PAH: variants seen among roughly 807,000 people sequenced by gnomAD.
The protein encoded by PAH is phenylalanine-4-hydroxylase.
PAH carries 64 observed loss-of-function variants against 62.0 expected under a neutral mutation model. The observed-to-expected ratio is 1.03, with a 90% CI of 0.84 to 1.27. PAH has a LOEUF of 1.27. PAH is among the 50% of genes most tolerant of loss of function. The pLI, the probability that PAH is intolerant of heterozygous loss-of-function variation, is 0.00. For synonymous variants in PAH, 195 were observed against 196.2 expected (o/e 0.99, Z 0.05); for missense variants, 579 against 542.8 (o/e 1.07, Z -0.66).
intron 1 of PAH, among the ~76,000 whole-genome samples, chr12:102,932,354 A>G (rs1052229714): frequency 1.4e-4 from 21 of 152,198 alleles, no homozygotes; most frequent in African/African-American, 4.3e-4. Context: ...ATCAACTACA[A>G]TGAACATTTA....
chr12:102,884,794 A>G (rs1876962351), intron 3 of PAH, among the ~76,000 whole-genome samples: 1 of 152,164 alleles, frequency 6.6e-6, no homozygotes, highest in South Asian at 2.1e-4. Flanking sequence ...AAAAGGTAGG[A>G]CTACCCTTTT....
At chr12:102,929,023 C>T (rs1878767733) in intron 1 of PAH, among the ~76,000 whole-genome samples, 1 of 152,120 alleles carries the variant, frequency 6.6e-6, no homozygotes, top group Non-Finnish European at 1.5e-5. Flanking sequence ...AATGAGTTTT[C>T]AGGATATCTG....
intron 1 of PAH, among the ~76,000 whole-genome samples, chr12:102,948,297 G>A (rs979381215): frequency 1.3e-5 from 2 of 152,146 alleles, no homozygotes; most frequent in Admixed American, 1.3e-4. Context: ...GAGAGGTAGG[G>A]CAGAAGTGAG....
intron 6 of PAH, chr12:102,854,701 A>G (rs114193610): frequency 1.2e-3 from 311 of 265,396 alleles, no homozygotes; most frequent in African/African-American, 6.7e-3. Flanking sequence ...CAGGATTCAT[A>G]CCAGATGCAC....
chr12:102,931,492 A>T (rs185349497), intron 1 of PAH, among the ~76,000 whole-genome samples: 1 of 152,342 alleles, frequency 6.6e-6, no homozygotes, highest in East Asian at 1.9e-4. Flanking sequence ...AGGAGAGGTA[A>T]GGATGTCTTA....
At chr12:102,880,113 T>G (rs114590547) in intron 3 of PAH, among the ~76,000 whole-genome samples, 2,998 of 152,290 alleles carry the variant, frequency 0.02, 103 homozygotes, top group African/African-American at 0.066. Flanking sequence ...TGGTCCCAAC[T>G]GCTGAAACTT....
At chr12:102,883,263 A>C (rs1335067588) in intron 3 of PAH, among the ~76,000 whole-genome samples, 1 of 152,194 alleles carries the variant, frequency 6.6e-6, no homozygotes, top group Non-Finnish European at 1.5e-5. Context: ...ACATTTGTTC[A>C]GCTCCCAAAT....
chr12:102,857,946 A>G (rs1875518784), intron 5 of PAH, among the ~76,000 whole-genome samples: 2 of 152,198 alleles, frequency 1.3e-5, no homozygotes, highest in African/African-American at 4.8e-5. Flanking sequence ...CTAACATCAT[A>G]ATGACAGGAT....
chr12:102,854,656 T>G (rs147583888), intron 6 of PAH: 23 of 220,552 alleles, frequency 1.0e-4, no homozygotes, highest in Non-Finnish European at 1.4e-4. Flanking sequence ...ATGACAAAAC[T>G]GAGGCAGGTT....
intron 1 of PAH, among the ~76,000 whole-genome samples, chr12:102,949,306 G>A (rs1267587031): frequency 6.6e-6 from 1 of 152,178 alleles, no homozygotes; most frequent in African/African-American, 2.4e-5. Context: ...TGGTCTCACT[G>A]ATGACATCAT....
At chr12:102,839,560 T>C (rs1409173514) in intron 12 of PAH, among the ~76,000 whole-genome samples, 1 of 152,218 alleles carries the variant, frequency 6.6e-6, no homozygotes, top group Non-Finnish European at 1.5e-5. Context: ...AATAGTATGG[T>C]TCACACAAAA....
At chr12:102,883,487 C>T (rs1876907081) in intron 3 of PAH, among the ~76,000 whole-genome samples, 1 of 152,158 alleles carries the variant, frequency 6.6e-6, no homozygotes, top group African/African-American at 2.4e-5. Flanking sequence ...TTCATTCAGC[C>T]CTCTTGGTAG....
At chr12:102,881,523 T>C (rs1876812559) in intron 3 of PAH, among the ~76,000 whole-genome samples, 1 of 152,124 alleles carries the variant, frequency 6.6e-6, no homozygotes, top group South Asian at 2.1e-4. Context: ...CAGTAAAGTG[T>C]GATTAACAAT....
intron 3 of PAH, among the ~76,000 whole-genome samples, chr12:102,878,728 G>A (rs531338141): frequency 4.0e-5 from 6 of 151,674 alleles, no homozygotes; most frequent in African/African-American, 1.5e-4. Context: ...AGAAAGAAGG[G>A]AAGTAATGGA....
intron 2 of PAH, among the ~76,000 whole-genome samples, chr12:102,899,147 C>T (rs1215594123): frequency 6.6e-6 from 1 of 152,212 alleles, no homozygotes. Flanking sequence ...TGGGTAGGTT[C>T]CACCTACTAT....
chr12:102,918,468 A>C (rs1216135963), upstream of PAH, among the ~76,000 whole-genome samples: 2 of 151,948 alleles, frequency 1.3e-5, no homozygotes, highest in Admixed American at 1.3e-4. Context: ...CAAATAAATA[A>C]ATAAATAAGT....
At chr12:102,951,204 G>A (rs1270071016), upstream of PAH, among the ~76,000 whole-genome samples, 1 of 152,186 alleles carries the variant, frequency 6.6e-6, no homozygotes, top group Non-Finnish European at 1.5e-5. Context: ...TCACGGGGCG[G>A]ATTGCAACCC....
intron 4 of PAH, among the ~76,000 whole-genome samples, chr12:102,867,366 T>C (rs1386134878): frequency 6.6e-6 from 1 of 152,044 alleles, no homozygotes; most frequent in Non-Finnish European, 1.5e-5. Context: ...GATAATGGAG[T>C]CTCCTCTGAA....
At chr12:102,866,083 G>GAAAAAAA (rs3062690) in intron 5 of PAH, among the ~76,000 whole-genome samples, 1 of 144,862 alleles carries the variant, frequency 6.9e-6, no homozygotes, top group Non-Finnish European at 1.5e-5. Context: ...CCCCAGACAG[G>GAAAAAAA]AAAAAAAAAA....
Sources: allele counts gnomAD v4.1 joint callset (sites outside exome capture counted in the v4.1 genomes callset), GRCh38; gene constraint gnomAD v4.1.1; transcripts MANE v1.5; gene names NCBI Gene and HGNC (gene_info 2026-07-23, HGNC 2026-07-21).